Variants in ATG4A observed in about 807,000 individuals in gnomAD.
ATG4A encodes cysteine protease ATG4A.
A neutral mutation model predicts 38.4 loss-of-function variants in ATG4A; 22 were observed. The ratio of observed to expected loss-of-function variants is 0.57; its 90% CI spans 0.41 to 0.82. ATG4A has a LOEUF of 0.82. Among genes scored for constraint, ATG4A ranks in the 40% least tolerant of loss-of-function variants. The pLI, the probability that ATG4A is intolerant of heterozygous loss-of-function variation, is 0.00. For missense variants in ATG4A, 220 were observed against 290.0 expected (o/e 0.76, Z 1.75); for synonymous variants, 86 against 100.7 (o/e 0.85, Z 0.88).
intron 1 of ATG4A, among the ~76,000 whole-genome samples, chrX:108,105,940 A>G (rs2032158210): frequency 9.0e-6 from 1 of 111,055 alleles, no homozygotes; most frequent in Non-Finnish European, 1.9e-5. Context: ...TAATGTGGTT[A>G]TTCTTGACTT....
chrX:108,150,001 A>G (rs2033543165), intron 9 of ATG4A, 151 bp from the exon 10 acceptor site: 1 of 624,331 alleles, frequency 1.6e-6, no homozygotes, highest in African/African-American at 2.2e-5. Flanking sequence ...GCTTCCTTTA[A>G]GCATGCTCAC....
chrX:108,144,441 T>C (rs1364191159), intron 9 of ATG4A, among the ~76,000 whole-genome samples: 1 of 112,341 alleles, frequency 8.9e-6, no homozygotes, highest in Non-Finnish European at 1.9e-5. Context: ...AGTGTTGGTC[T>C]CTGCTGCTGG....
At chrX:108,139,914 T>C (rs919413988) in intron 9 of ATG4A, among the ~76,000 whole-genome samples, 1 of 111,273 alleles carries the variant, frequency 9.0e-6, no homozygotes, top group Non-Finnish European at 1.9e-5. Flanking sequence ...AAAGGAGCTT[T>C]CTGGAGTCTC....
At chrX:108,136,135 TAAC>T (rs765744021) in intron 6 of ATG4A, among the ~76,000 whole-genome samples, 88 of 111,199 alleles carry the variant, frequency 7.9e-4, no homozygotes, top group African/African-American at 2.7e-3. Context: ...TCATTAGCAT[TAAC>T]AACAACATAT....
intron 7 of ATG4A, 100 bp downstream of exon 7, chrX:108,137,270 C>T: frequency 1.3e-6 from 1 of 766,729 alleles, no homozygotes; most frequent in Non-Finnish European, 1.9e-6. Flanking sequence ...TGGTCTTCCC[C>T]ACCAGGGCAG....
intron 2 of ATG4A, 80 bp downstream of exon 2, chrX:108,126,267 G>C: frequency 1.4e-6 from 1 of 691,221 alleles, no homozygotes; most frequent in Non-Finnish European, 2.3e-6. Context: ...TTTTCTTCTT[G>C]GGTTGGCAGA....
chrX:108,102,922 GATCAACCC>G (rs1329746106), intron 1 of ATG4A, among the ~76,000 whole-genome samples: 1 of 109,247 alleles, frequency 9.2e-6, no homozygotes, highest in Non-Finnish European at 1.9e-5. Flanking sequence ...TTGCTGTACA[GATCAACCC>G]ATCACCTAGG....
intron 7 of ATG4A, among the ~76,000 whole-genome samples, chrX:108,137,402 C>T (rs1406961668): frequency 1.8e-5 from 2 of 112,589 alleles, no homozygotes; most frequent in Non-Finnish European, 3.8e-5. Flanking sequence ...CTGCAGAAAA[C>T]ACAAAGTGTG....
intron 3 of ATG4A, among the ~76,000 whole-genome samples, chrX:108,130,408 A>G (rs2032924533): frequency 8.9e-6 from 1 of 112,605 alleles, no homozygotes; most frequent in Middle Eastern, 4.6e-3. Context: ...CCTGGCCTCA[A>G]ATGTGGGATT....
chrX:108,130,191 C>T (rs1024422003), intron 3 of ATG4A, among the ~76,000 whole-genome samples: 4 of 111,337 alleles, frequency 3.6e-5, no homozygotes, highest in African/African-American at 1.3e-4. Flanking sequence ...CTCCTTCAGT[C>T]CCCACAACTA....
intron 1 of ATG4A, among the ~76,000 whole-genome samples, chrX:108,103,815 T>C (rs1317091937): frequency 8.9e-6 from 1 of 112,668 alleles, no homozygotes; most frequent in African/African-American, 3.2e-5. Flanking sequence ...TTTTATATTG[T>C]GTATCCATTA....
intron 1 of ATG4A, among the ~76,000 whole-genome samples, chrX:108,109,118 T>C (rs1314802614): frequency 8.9e-6 from 1 of 112,029 alleles, no homozygotes; most frequent in Non-Finnish European, 1.9e-5. Context: ...CATTTTACAA[T>C]CTCACCAGTG....
chrX:108,134,667 CATGCTACAGATTG>C (rs1309413259), intron 6 of ATG4A, among the ~76,000 whole-genome samples: 1 of 112,016 alleles, frequency 8.9e-6, no homozygotes, highest in African/African-American at 3.2e-5. Flanking sequence ...TTCAGTGTCT[CATGCTACAGATTG>C]ATGCTCATGT....
chrX:108,099,939 G>C lies in ATG4A; in HGVS notation c.10+8103G>C, dbSNP rs377689716. On this transcript the variant is annotated intron_variant, in intron 1 of 12. Transcript: ENST00000372232. The stretch of plus-strand genomic sequence containing the variant: ...TAGTTTATTGTTTTCAATATTGCCT[G>C]TTCCTTTAACTTTCCCTATAAATTT... 7.7e-4 allele frequency among the ~76,000 whole-genome samples: 86 copies of C among 111,268 alleles called. 2 individuals are homozygous for C. In the East Asian group the frequency reaches 0.022, roughly 29 times the overall value.
intron 1 of ATG4A, among the ~76,000 whole-genome samples, chrX:108,110,932 C>G (rs1475212515): frequency 9.0e-6 from 1 of 111,723 alleles, no homozygotes; most frequent in East Asian, 2.8e-4. Context: ...GAGACAGGAT[C>G]TTGCTCTGTC....
At chrX:108,141,944 C>G (rs2033305360) in intron 9 of ATG4A, among the ~76,000 whole-genome samples, 1 of 111,211 alleles carries the variant, frequency 9.0e-6, no homozygotes, top group Non-Finnish European at 1.9e-5. Context: ...GCATTGTACC[C>G]CAATGGATGA....
chrX:108,129,136 GA>G (rs2032881004), intron 3 of ATG4A, among the ~76,000 whole-genome samples: 1 of 112,510 alleles, frequency 8.9e-6, no homozygotes, highest in Non-Finnish European at 1.9e-5. Flanking sequence ...GATTAAGGGG[GA>G]AAATCACATA....
chrX:108,125,634 C>T (rs138563565), intron 1 of ATG4A, among the ~76,000 whole-genome samples: 53 of 111,764 alleles, frequency 4.7e-4, no homozygotes, highest in Middle Eastern at 9.1e-3. Flanking sequence ...TCAGGCTTGT[C>T]ACAGCACCTT....
At chrX:108,124,508 G>A (rs1159368685) in intron 1 of ATG4A, among the ~76,000 whole-genome samples, 2 of 108,155 alleles carry the variant, frequency 1.8e-5, no homozygotes, top group Non-Finnish European at 3.8e-5. Context: ...CTGGAGTGTA[G>A]TGGCGCGATC....
Sources: allele counts gnomAD v4.1 joint callset (sites outside exome capture counted in the v4.1 genomes callset), GRCh38; gene constraint gnomAD v4.1.1; transcripts MANE v1.5; gene names NCBI Gene and HGNC (gene_info 2026-07-23, HGNC 2026-07-21).